Variants in RORB observed in about 807,000 individuals in gnomAD.
The protein encoded by RORB is nuclear receptor ROR-beta.
Under a neutral mutation model 59.1 loss-of-function variants are expected in RORB, and 6 were observed. The ratio of observed to expected loss-of-function variants is 0.10; its 90% CI spans 0.06 to 0.20. RORB has a LOEUF of 0.20. RORB is among the 10% of genes least tolerant of loss of function. The probability of loss-of-function intolerance (pLI) is 1.00; values close to 1 mark genes in which losing one functional copy is unlikely to be tolerated. For missense variants in RORB, 320 were observed against 560.5 expected (o/e 0.57, Z 4.33); for synonymous variants, 215 against 204.5 (o/e 1.05, Z -0.44).
At chr9:74,587,757 G>A (rs779567347) in intron 1 of RORB, among the ~76,000 whole-genome samples, 1 of 152,152 alleles carries the variant, frequency 6.6e-6, no homozygotes, top group African/African-American at 2.4e-5. Flanking sequence ...ACAAGTGATG[G>A]CAAGGCCCAA....
At position 74,623,833 on chromosome 9, in the gene RORB, T is replaced by C. The variant is rs544637295; in HGVS notation, c.8-6449T>C. On this transcript the variant is annotated intron_variant, in intron 1 of 9. Coordinates refer to ENST00000376896, the MANE Select transcript of RORB (RefSeq NM_006914.4). ...ACAAGTTATCCCATTATAATTAAAA[T>C]GTTGACAGGAAAAGATGAATTTAAT... Among the ~76,000 whole-genome samples the C allele has an allele frequency of 9.2e-5, 14 of 152,310 alleles. No individual in the cohort carries two copies. The South Asian group carries it at 2.3e-3, about 25-fold the overall frequency.
At chr9:74,604,017 C>G (rs1823111109) in intron 1 of RORB, among the ~76,000 whole-genome samples, 1 of 151,362 alleles carries the variant, frequency 6.6e-6, no homozygotes, top group African/African-American at 2.4e-5. Flanking sequence ...GTACTATGTT[C>G]TTGTATATGG....
Position 74,497,777 on chromosome 9 carries a change from C to T in RORB, c.-200C>T, listed in dbSNP as rs1315319838. The T allele has an allele frequency of 8.4e-6, 5 of 594,506 alleles. 1 individual carries two copies. The highest frequency in any genetic ancestry group is 6.3e-5 in the South Asian group (3 of 47,660). 36.8% of individuals were successfully genotyped at this position (594,506 alleles called of 1,614,324 possible). A position where few individuals can be genotyped will look rare whatever the true frequency, so the allele number is the denominator to read the frequency against. On this transcript the variant is annotated 5_prime_UTR_variant, in exon 1 of 10. Transcript: ENST00000376896. ...CAATCATCAAAACAGTCACCACCAA[C>T]ATCAAAACTGTTAACATAGCGGCGG...
At chr9:74,514,861 A>G (rs1825986167) in intron 1 of RORB, among the ~76,000 whole-genome samples, 1 of 151,536 alleles carries the variant, frequency 6.6e-6, no homozygotes, top group African/African-American at 2.4e-5. Context: ...ATAATTCAAT[A>G]CAGTTATTTC....
chr9:74,538,327 C>A lies in RORB; in HGVS notation c.7+40344C>A, dbSNP rs186789933. On this transcript the variant is annotated intron_variant, in intron 1 of 9. Transcript: ENST00000376896. ...TGATTGTATTCTTGTTCTCAAGAAG[C>A]CCTCTTGGATGATTTTTAAAATAGT... 8.8e-3 allele frequency among the ~76,000 whole-genome samples: 1,336 copies of A among 152,048 alleles called. 10 individuals carry two copies. Among genetic ancestry groups the A allele is most frequent in the Non-Finnish European group, 0.014 (926 of 67,938 alleles).
intron 1 of RORB, among the ~76,000 whole-genome samples, chr9:74,531,482 T>C (rs1826237223): frequency 6.6e-6 from 1 of 151,992 alleles, no homozygotes. Context: ...CATTCCCATT[T>C]CAGAAATACC....
intron 9 of RORB, among the ~76,000 whole-genome samples, chr9:74,674,520 A>C (rs572120901): frequency 6.6e-6 from 1 of 152,364 alleles, no homozygotes; most frequent in African/African-American, 2.4e-5. Context: ...GGTTAGAGGT[A>C]CAGGGCTCAT....
intron 9 of RORB, among the ~76,000 whole-genome samples, chr9:74,672,506 C>G (rs1300200841): frequency 2.6e-5 from 4 of 152,078 alleles, no homozygotes; most frequent in Non-Finnish European, 5.9e-5. Context: ...AAGACTTGCC[C>G]TGAGGTTCTT....
intron 1 of RORB, among the ~76,000 whole-genome samples, chr9:74,565,055 A>T (rs971722908): frequency 1.3e-5 from 2 of 152,242 alleles, no homozygotes; most frequent in Non-Finnish European, 2.9e-5. Context: ...TGTCAGACAC[A>T]GAAAAAGAAA....
intron 1 of RORB, among the ~76,000 whole-genome samples, chr9:74,611,592 T>C (rs983012739): frequency 1.3e-5 from 2 of 152,182 alleles, no homozygotes; most frequent in African/African-American, 4.8e-5. Flanking sequence ...CCCCCAGTGT[T>C]GAGTCAAGCA....
intron 1 of RORB, among the ~76,000 whole-genome samples, chr9:74,592,695 A>G (rs1245650155): frequency 6.6e-6 from 1 of 152,182 alleles, no homozygotes; most frequent in African/African-American, 2.4e-5. Context: ...CACAGGTACT[A>G]TCAAAATTTG....
Position 74,637,635 on chromosome 9 carries a change from T to C in RORB, c.235+2863T>C, listed in dbSNP as rs1823729250. On this transcript the variant is annotated intron_variant, in intron 3 of 9. Coordinates refer to ENST00000376896, the MANE Select transcript of RORB (RefSeq NM_006914.4). ...TTTACAAAGGAATCTTCAGGATAAC[T>C]GTTTCCAATTGTGCTACTATAAATT... is the stretch of plus-strand genomic sequence containing the variant. 2.0e-5 allele frequency among the ~76,000 whole-genome samples: 3 copies of C among 152,216 alleles called. No individual in the cohort carries two copies. The South Asian group carries it at 6.2e-4, about 32-fold the overall frequency.
intron 1 of RORB, among the ~76,000 whole-genome samples, chr9:74,620,410 G>A (rs1285722534): frequency 2.6e-5 from 4 of 152,056 alleles, no homozygotes; most frequent in South Asian, 2.1e-4. Flanking sequence ...ATTTTTTATT[G>A]TGTCTATTTG....
chr9:74,683,331 G>A (rs1355927328), intron 9 of RORB, among the ~76,000 whole-genome samples: 2 of 152,110 alleles, frequency 1.3e-5, no homozygotes, highest in Non-Finnish European at 2.9e-5. Context: ...TTTCCCAAGC[G>A]ACTCCAGTTA....
At chr9:74,674,345 C>G (rs1201739525) in intron 9 of RORB, among the ~76,000 whole-genome samples, 1 of 152,110 alleles carries the variant, frequency 6.6e-6, no homozygotes, top group Non-Finnish European at 1.5e-5. Flanking sequence ...TGTTGTGAAA[C>G]CTGTCTCTAA....
intron 4 of RORB, among the ~76,000 whole-genome samples, chr9:74,657,389 C>G (rs557287521): frequency 6.6e-6 from 1 of 152,186 alleles, no homozygotes; most frequent in African/African-American, 2.4e-5. Flanking sequence ...CGAAACCTCA[C>G]TTCTATCCTC....
At chr9:74,636,491 G>GCCC (rs1823705274) in intron 3 of RORB, among the ~76,000 whole-genome samples, 1 of 152,132 alleles carries the variant, frequency 6.6e-6, no homozygotes, top group Non-Finnish European at 1.5e-5. Flanking sequence ...TAGACGGTCT[G>GCCC]AATCCCGTAA....
intron 1 of RORB, among the ~76,000 whole-genome samples, chr9:74,508,927 A>G (rs1320983213): frequency 6.6e-6 from 1 of 151,656 alleles, no homozygotes; most frequent in African/African-American, 2.4e-5. Context: ...CTCTCTGGCC[A>G]TACTATTTTT....
chr9:74,535,121 C>A (rs1236757303), intron 1 of RORB, among the ~76,000 whole-genome samples: 2 of 151,462 alleles, frequency 1.3e-5, no homozygotes, highest in African/African-American at 2.4e-5. Flanking sequence ...TACATGAAAA[C>A]TGCAGTCTTT....
Sources: allele counts gnomAD v4.1 joint callset (sites outside exome capture counted in the v4.1 genomes callset), GRCh38; gene constraint gnomAD v4.1.1; transcripts MANE v1.5; gene names NCBI Gene and HGNC (gene_info 2026-07-23, HGNC 2026-07-21).